SCUBE1: variants seen among roughly 807,000 people sequenced by gnomAD.
The protein encoded by SCUBE1 is signal peptide, CUB domain and EGF like domain containing 1, also known as signal peptide, CUB and EGF-like domain-containing protein 1.
A neutral mutation model predicts 124.4 loss-of-function variants in SCUBE1; 59 were observed. The observed-to-expected ratio is 0.47, with a 90% confidence interval of 0.38 to 0.59. The LOEUF (loss-of-function observed/expected upper bound fraction) is 0.59. Ranked by LOEUF, SCUBE1 falls within the 20% of genes least tolerant of loss-of-function variation. The pLI is 0.00. For synonymous variants in SCUBE1, 545 were observed against 550.9 expected, an observed-to-expected ratio of 0.99 and a Z score of 0.15; for missense variants, 1,150 against 1,371.2, an observed-to-expected ratio of 0.84 and a Z score of 2.55.
chr22:43,220,514 T>C lies in SCUBE1; in HGVS notation c.1623A>G (p.Pro541=). ...CTGTGATGTGGGACACCTCCTTGGA[T>C]GGGGACTTGCGGCCACGGCGCCTCT... The part of the protein sequence containing the change: ...SKKRRRGRKS[P]SKEVSHITAE... The change falls in exon 14 of 22, where the codon CCA becomes CCG. Residue 541 remains proline (P), a synonymous_variant. Transcript: ENST00000360835. 6.2e-7 allele frequency: 1 copy of C among 1,614,142 alleles called. No homozygotes were observed. Among genetic ancestry groups the C allele is most frequent in the Non-Finnish European group, 8.5e-7 (1 of 1,180,010 alleles).
intron 2 of SCUBE1, among the ~76,000 whole-genome samples, chr22:43,322,141 G>A (rs1349837046): frequency 6.6e-6 from 1 of 151,992 alleles, no homozygotes; most frequent in Non-Finnish European, 1.5e-5. Context: ...GTGCCACCAT[G>A]CCCGGCTAAT....
chr22:43,235,080 G>C (rs1032855550), intron 7 of SCUBE1, among the ~76,000 whole-genome samples: 1 of 152,194 alleles, frequency 6.6e-6, no homozygotes, highest in Non-Finnish European at 1.5e-5. Context: ...CACAGACTTG[G>C]GGGTGGCTGT....
chr22:43,333,785 C>A (rs1039187071), intron 2 of SCUBE1, among the ~76,000 whole-genome samples: 5 of 152,184 alleles, frequency 3.3e-5, no homozygotes, highest in Non-Finnish European at 7.3e-5. Context: ...AACTGTGTAA[C>A]CTTTGGCCAG....
chr22:43,220,631 G>C, intron 13 of SCUBE1, 44 bp from the exon 14 acceptor site: 2 of 1,604,126 alleles, frequency 1.2e-6, no homozygotes, highest in Middle Eastern at 1.7e-4. Flanking sequence ...GCATGGGGCA[G>C]GGAGCAAGGT....
chr22:43,239,020 T>G, intron 6 of SCUBE1, 66 bp from the exon 7 acceptor site: 1 of 1,280,382 alleles, frequency 7.8e-7, no homozygotes, highest in Non-Finnish European at 1.1e-6. Context: ...TCCCCTTCCG[T>G]GGAAAGATCT....
chr22:43,219,893 C>T (rs61547005), intron 14 of SCUBE1, among the ~76,000 whole-genome samples: 25,974 of 151,996 alleles, frequency 0.17, 2,708 homozygotes, highest in East Asian at 0.33. Context: ...GCACGTGCGT[C>T]TGCCTCTCTG....
At chr22:43,248,083 G>T (rs1373158232) in intron 6 of SCUBE1, among the ~76,000 whole-genome samples, 2 of 152,254 alleles carry the variant, frequency 1.3e-5, no homozygotes, top group African/African-American at 4.8e-5. Flanking sequence ...CCTCACAGCT[G>T]GTGGGGCTGG....
rs750747829 is a variant in SCUBE1, at chr22:43,210,884, G to A, written c.2383+38C>T. 1.0e-5 allele frequency: 16 copies of A among 1,526,572 alleles called. No homozygotes were observed. The highest frequency in any genetic ancestry group is 1.3e-5 in the Non-Finnish European group (15 of 1,119,632). 94.6% of individuals were successfully genotyped at this position (1,526,572 alleles called of 1,614,324 possible). On this transcript the variant is annotated intron_variant, in intron 18 of 21. Transcript: ENST00000360835. The surrounding 1 kb of genome is among the most constrained non-coding windows in gnomAD (Gnocchi z 4.5). ...CCCCACAACCTGCCCAGCCCCTCCCGTGTTCCCAGCTTCCCACGGCAGAGC... is the reference window on the plus strand; with the variant it reads ...CCCCACAACCTGCCCAGCCCCTCCCATGTTCCCAGCTTCCCACGGCAGAGC...
chr22:43,249,136 C>T (rs955389074), intron 6 of SCUBE1, among the ~76,000 whole-genome samples: 1 of 152,104 alleles, frequency 6.6e-6, no homozygotes, highest in African/African-American at 2.4e-5. Context: ...GATGTGACCC[C>T]TGGAGGCAGG....
At position 43,223,177 on chromosome 22, in the gene SCUBE1, C is replaced by T. The variant is rs200093143; in HGVS notation, c.1247G>A (p.Arg416Gln). 2.5e-4 allele frequency: 398 copies of T among 1,569,626 alleles called. 3 individuals are homozygous for T. In the Admixed American group the frequency reaches 6.7e-3, roughly 26 times the overall value. The change falls in exon 11 of 22, where the codon CGG becomes CAG. Residue 416 changes from arginine to glutamine, a missense_variant. Coordinates refer to ENST00000360835, the MANE Select transcript of SCUBE1 (RefSeq NM_173050.5). ...TGCCTTGCTGCAGGACAGCTGGGCC[C>T]GGGGGGAGGTCTTGGCGCGAGAAAG... ...KCLSRAKTSP[R>Q]AQLSCSKAGG... is the part of the protein sequence containing the mutation.
At chr22:43,321,049 C>T (rs902922424) in intron 2 of SCUBE1, among the ~76,000 whole-genome samples, 1 of 152,160 alleles carries the variant, frequency 6.6e-6, no homozygotes. Flanking sequence ...CCAGAGGCTC[C>T]GAGACACGAT....
rs946126795 is a variant in SCUBE1, at chr22:43,272,211, C to T, written c.485-9366G>A. On this transcript the variant is annotated intron_variant, in intron 4 of 21. Transcript: ENST00000360835. ...GGGGAAAGAGTTTATCCCCCAGAGC[C>T]TCTTGGGGTCCTGGGTCCCAGCTGG... Among the ~76,000 whole-genome samples the T allele has an allele frequency of 4.6e-5, 7 of 152,206 alleles. No individual in the cohort carries two copies. In the East Asian group the frequency reaches 1.4e-3, roughly 29 times the overall value.
In SCUBE1 at chr22:43,264,894, A is replaced by G. The variant is rs374754589; in HGVS notation, c.485-2049T>C. ...CAAAGCCTCCTGGCTCCTGCCTTCTACTCCCTGTGTCTCCCCATGCCACCA... is the reference window on the plus strand; with the variant it reads ...CAAAGCCTCCTGGCTCCTGCCTTCTGCTCCCTGTGTCTCCCCATGCCACCA... On this transcript the variant is annotated intron_variant, in intron 4 of 21. Coordinates refer to ENST00000360835, the MANE Select transcript of SCUBE1 (RefSeq NM_173050.5). Among the ~76,000 whole-genome samples the G allele has an allele frequency of 3.3e-5, 5 of 151,748 alleles. No individual in the cohort carries two copies. The East Asian group carries it at 5.8e-4, about 18-fold the overall frequency.
At chr22:43,228,315 G>A (rs1922407971) in intron 9 of SCUBE1, among the ~76,000 whole-genome samples, 1 of 152,080 alleles carries the variant, frequency 6.6e-6, no homozygotes, top group Non-Finnish European at 1.5e-5. Context: ...TCTTTGTTCC[G>A]TCGCTGCCCA....
chr22:43,230,442 G>C (rs1008020901), intron 8 of SCUBE1, among the ~76,000 whole-genome samples: 2 of 130,258 alleles, frequency 1.5e-5, no homozygotes, highest in African/African-American at 5.8e-5. Flanking sequence ...GAAGGGGGTG[G>C]AAAAGATACA....
intron 16 of SCUBE1, 43 bp downstream of exon 16, chr22:43,214,047 G>GGCCCCCCCCCCCCCCCC: frequency 7.0e-6 from 1 of 143,440 alleles, no homozygotes; most frequent in Non-Finnish European, 1.3e-5. Flanking sequence ...AGGAGCCCCC[G>GGCCCCCCCCCCCCCCCC]CCCACCCCCC....
At chr22:43,222,849 G>T in intron 11 of SCUBE1, 107 bp from the exon 12 acceptor site, 1 of 1,020,602 alleles carries the variant, frequency 9.8e-7, no homozygotes, top group Non-Finnish European at 1.4e-6. Flanking sequence ...GATCAGGACA[G>T]ATTCTTCTGC....
intron 4 of SCUBE1, among the ~76,000 whole-genome samples, chr22:43,274,708 C>T (rs755236421): frequency 1.1e-4 from 17 of 152,198 alleles, no homozygotes; most frequent in Admixed American, 6.5e-4. Context: ...CTGTGAGCAG[C>T]GTCCCCGAGC....
chr22:43,271,430 C>T (rs1924287645), intron 4 of SCUBE1, among the ~76,000 whole-genome samples: 1 of 152,224 alleles, frequency 6.6e-6, no homozygotes, highest in South Asian at 2.1e-4. Flanking sequence ...CTGGGATCAG[C>T]TACTCTGGAT....
Sources: allele counts gnomAD v4.1 joint callset (sites outside exome capture counted in the v4.1 genomes callset), GRCh38; gene constraint gnomAD v4.1.1; non-coding constraint Gnocchi (gnomAD v3.1); transcripts MANE v1.5; gene names NCBI Gene and HGNC (gene_info 2026-07-23, HGNC 2026-07-21).